FAAP24: variants seen among roughly 807,000 people sequenced by gnomAD.
FAAP24 encodes the protein FA core complex associated protein 24.
Under a neutral mutation model 14.3 loss-of-function variants are expected in FAAP24, and 16 were observed. The ratio of observed to expected loss-of-function variants is 1.12; its 90% CI spans 0.76 to 1.69. The LOEUF is 1.69. Among genes scored for constraint, FAAP24 ranks in the 40% most tolerant of loss-of-function variants. The pLI, the probability that FAAP24 is intolerant of heterozygous loss-of-function variation, is 0.00. For missense variants in FAAP24, 234 were observed against 262.7 expected (o/e 0.89, Z 0.75); for synonymous variants, 111 against 106.2 (o/e 1.04, Z -0.28).
rs368964853 is a variant in FAAP24 at position 32,973,592 on chromosome 19, C to T, written c.243+30C>T. 3,121 of 1,611,920 alleles carry T rather than the reference C, an allele frequency of 1.9e-3. 4 individuals are homozygous for T. The highest frequency in any genetic ancestry group is 2.5e-3 in the Non-Finnish European group (2,960 of 1,178,542). ...GTATTAGGCTGGGTGCTGTGGCTCA[C>T]GCCAGTAATCCCAGCACTTTGGGAG... On this transcript the variant is annotated intron_variant, in intron 3 of 4. Transcript: ENST00000588258.
In FAAP24 at chr19:32,976,542, G is replaced by C. The variant is rs1971520170; in HGVS notation, c.508G>C (p.Gly170Arg). The change falls in exon 5 of 5, where the codon GGA becomes CGA. Residue 170 changes from glycine (G) to arginine (R), a missense_variant. Gly to Arg is a moderately radical substitution (Grantham distance 125). Coordinates refer to ENST00000588258, the MANE Select transcript of FAAP24 (RefSeq NM_152266.5). ...AACCGTGCAGCAGATCCCAGGAGTTGGAAAAGTTAAAGCTCCCCTTCTCCT... is the reference window on the plus strand; with the variant it reads ...AACCGTGCAGCAGATCCCAGGAGTTCGAAAAGTTAAAGCTCCCCTTCTCCT... ...LRTVQQIPGV[G>R]KVKAPLLLQK... The C allele has an allele frequency of 6.2e-7, 1 of 1,613,992 alleles. No homozygotes were observed. Among genetic ancestry groups the C allele is most frequent in the African/African-American group, 1.3e-5 (1 of 74,906 alleles).
intron 1 of FAAP24, 56 bp from the exon 2 acceptor site, chr19:32,973,128 G>A: frequency 1.4e-6 from 2 of 1,379,892 alleles, no homozygotes; most frequent in Non-Finnish European, 2.0e-6. Context: ...GGAGTGGAAT[G>A]CAGGGCCGTG....
At chr19:32,975,536 T>C (rs1401681771) in intron 4 of FAAP24, among the ~76,000 whole-genome samples, 1 of 150,850 alleles carries the variant, frequency 6.6e-6, no homozygotes, top group Non-Finnish European at 1.5e-5. Flanking sequence ...CTCGGCTCAC[T>C]GCAACCTCCT....
In FAAP24 at chr19:32,977,626, T is replaced by C. The variant is rs574681790; in HGVS notation, c.*944T>C. 9.4e-5 allele frequency: 37 copies of C among 394,176 alleles called. No individual in the cohort carries two copies. Among genetic ancestry groups the C allele is most frequent in the Non-Finnish European group, 1.5e-4 (33 of 224,098 alleles). The allele number at this position is 394,176 out of a possible 1,614,324, so 24.4% of individuals were successfully genotyped here. A position where few individuals can be genotyped will look rare whatever the true frequency, so the allele number is the denominator to read the frequency against. ...TGAAGTCTGAAGTTCCCACTTAAAG[T>C]TGAAAACTCAACGGCCGGGCATAGT... On this transcript the variant is annotated 3_prime_UTR_variant, in exon 5 of 5. Coordinates refer to ENST00000588258, the MANE Select transcript of FAAP24 (RefSeq NM_152266.5).
intron 4 of FAAP24, 114 bp downstream of exon 4, chr19:32,974,326 T>C: frequency 7.8e-7 from 1 of 1,288,848 alleles, no homozygotes; most frequent in Non-Finnish European, 1.1e-6. Context: ...GTTTATAAAA[T>C]CTCTTCGAGG....
chr19:32,975,490 G>A (rs1450882971), intron 4 of FAAP24, among the ~76,000 whole-genome samples: 2 of 136,566 alleles, frequency 1.5e-5, no homozygotes, highest in African/African-American at 5.5e-5. Context: ...ATGGAGTTTC[G>A]CTCTTGTTGC....
rs1409223059 is a variant in FAAP24, at chr19:32,976,705, A to G, written c.*23A>G. ...TGAGGGCTGGCCTCAGGGCCACGGC[A>G]TCTTCTCCTGAGACCACAAACACCA... On this transcript the variant is annotated 3_prime_UTR_variant, in exon 5 of 5. Coordinates refer to ENST00000588258, the MANE Select transcript of FAAP24 (RefSeq NM_152266.5). 1 of 1,610,502 alleles carries G rather than the reference A, an allele frequency of 6.2e-7. No individual in the cohort carries two copies. Among genetic ancestry groups the G allele is most frequent in the Non-Finnish European group, 8.5e-7 (1 of 1,177,794 alleles).
intron 1 of FAAP24, 156 bp downstream of exon 1, chr19:32,972,502 C>T (rs1031062040): frequency 1.3e-5 from 5 of 390,944 alleles, no homozygotes; most frequent in Non-Finnish European, 2.3e-5. Flanking sequence ...GTCTCGAACT[C>T]CTGGGCACAA....
chr19:32,974,259 C>T (rs750428523), intron 4 of FAAP24, 47 bp downstream of exon 4: 5 of 1,560,170 alleles, frequency 3.2e-6, no homozygotes, highest in Non-Finnish European at 4.3e-6. Flanking sequence ...TCCTCATGGA[C>T]ACTCAGCTGC....
rs530097774 is a variant in FAAP24, at chr19:32,977,650, G to A, written c.*968G>A. The A allele has an allele frequency of 5.2e-6, 2 of 386,208 alleles. No individual in the cohort carries two copies. Among genetic ancestry groups the A allele is most frequent in the East Asian group, 3.7e-5 (1 of 27,070 alleles). 23.9% of individuals were successfully genotyped at this position (386,208 alleles called of 1,614,324 possible). ...GTTGAAAACTCAACGGCCGGGCATA[G>A]TGGCTCACACCTGTAATCCCAGCAC... On this transcript the variant is annotated 3_prime_UTR_variant, in exon 5 of 5. Coordinates refer to ENST00000588258, the MANE Select transcript of FAAP24 (RefSeq NM_152266.5).
At position 32,976,690 on chromosome 19, in the gene FAAP24, C is replaced by T. The variant is rs909485492; in HGVS notation, c.*8C>T. On this transcript the variant is annotated 3_prime_UTR_variant, in exon 5 of 5. Transcript: ENST00000588258. ...TTCACGCAGCCCAGGTGAGGGCTGG[C>T]CTCAGGGCCACGGCATCTTCTCCTG... 1.9e-6 allele frequency: 3 copies of T among 1,612,050 alleles called. No individual in the cohort carries two copies. The highest frequency in any genetic ancestry group is 2.7e-5 in the African/African-American group (2 of 74,870).
chr19:32,973,011 C>T (rs755267549), intron 1 of FAAP24, among the ~76,000 whole-genome samples, 173 bp from the exon 2 acceptor site: 4 of 152,156 alleles, frequency 2.6e-5, no homozygotes, highest in Non-Finnish European at 5.9e-5. Context: ...AGCCACCGCG[C>T]CCAGCCTGTG....
In FAAP24 at chr19:32,977,536, T is replaced by G. The variant is rs937467486; in HGVS notation, c.*854T>G. ...CCTTTGTTCCTCCCTCCCCCCGGCC[T>G]TTTTTTTTGGCAGATGTACAGTTTG... On this transcript the variant is annotated 3_prime_UTR_variant, in exon 5 of 5. Transcript: ENST00000588258. 2.6e-6 allele frequency: 1 copy of G among 379,952 alleles called. No individual in the cohort carries two copies. The highest frequency in any genetic ancestry group is 4.7e-6 in the Non-Finnish European group (1 of 214,676). The allele number at this position is 379,952 out of a possible 1,614,324, so 23.5% of individuals were successfully genotyped here. A position where few individuals can be genotyped will look rare whatever the true frequency, so the allele number is the denominator to read the frequency against.
In FAAP24 at chr19:32,976,831, T is replaced by G. The variant is rs1332014384; in HGVS notation, c.*149T>G. 4 of 1,015,964 alleles carry G rather than the reference T, an allele frequency of 3.9e-6. No homozygotes were observed. The highest frequency in any genetic ancestry group is 5.6e-6 in the Non-Finnish European group (4 of 713,276). 62.9% of individuals were successfully genotyped at this position (1,015,964 alleles called of 1,614,324 possible). On this transcript the variant is annotated 3_prime_UTR_variant, in exon 5 of 5. Transcript: ENST00000588258. ...GGGAGGCCGAAGACAGCGGATCATC[T>G]GAGGTCAGGAGTTCAAGACCAGCCT... is the stretch of plus-strand genomic sequence containing the variant.
Position 32,976,679 on chromosome 19 carries a change from G to A in FAAP24, c.645G>A (p.Arg215=). The A allele has an allele frequency of 4.3e-6, 7 of 1,613,748 alleles. No homozygotes were observed. Among genetic ancestry groups the A allele is most frequent in the Non-Finnish European group, 5.9e-6 (7 of 1,179,748 alleles). Residue 215 remains arginine (R), a synonymous_variant, in exon 5 of 5, where the codon AGG becomes AGA. Transcript: ENST00000588258. ...QQIHAFFTQP[R] ...TCCATGCCTTCTTCACGCAGCCCAGGTGAGGGCTGGCCTCAGGGCCACGGC... is the reference window on the plus strand; with the variant it reads ...TCCATGCCTTCTTCACGCAGCCCAGATGAGGGCTGGCCTCAGGGCCACGGC...
rs1224355713 is a variant in FAAP24 at position 32,977,851 on chromosome 19, G to C, written c.*1169G>C. 1 of 157,712 alleles carries C rather than the reference G, an allele frequency of 6.3e-6. No individual in the cohort carries two copies. Among genetic ancestry groups the C allele is most frequent in the Non-Finnish European group, 1.4e-5 (1 of 72,502 alleles). 9.8% of individuals were successfully genotyped at this position (157,712 alleles called of 1,614,324 possible). ...CGAGAATCGCTTGAACCCAGGAGGT[G>C]GAGGTTGCAATGGGCCGAGATTGCA... On this transcript the variant is annotated 3_prime_UTR_variant, in exon 5 of 5. Transcript: ENST00000588258.
chr19:32,976,352 A>G, intron 4 of FAAP24, 79 bp from the exon 5 acceptor site: 7 of 1,515,780 alleles, frequency 4.6e-6, no homozygotes, highest in Non-Finnish European at 5.3e-6. Context: ...GAAAAACGCA[A>G]TTTCTACAAA....
chr19:32,973,149 C>T (rs1971461548), intron 1 of FAAP24, 35 bp from the exon 2 acceptor site: 1 of 1,565,230 alleles, frequency 6.4e-7, no homozygotes, highest in Admixed American at 1.7e-5. Flanking sequence ...TGCAGGAGAG[C>T]CTGCTCAAGT....
At chr19:32,972,655 C>T (rs1331613443) in intron 1 of FAAP24, among the ~76,000 whole-genome samples, 1 of 151,896 alleles carries the variant, frequency 6.6e-6, no homozygotes, top group Non-Finnish European at 1.5e-5. Flanking sequence ...TCCACCACCA[C>T]ACATCCCGTC....
Sources: allele counts gnomAD v4.1 joint callset (sites outside exome capture counted in the v4.1 genomes callset), GRCh38; gene constraint gnomAD v4.1.1; transcripts MANE v1.5; gene names NCBI Gene and HGNC (gene_info 2026-07-23, HGNC 2026-07-21).